Variants in ZCCHC7 observed in about 807,000 individuals in gnomAD.
ZCCHC7 encodes the protein zinc finger CCHC-type containing 7, also known as zinc finger CCHC domain-containing protein 7.
ZCCHC7 carries 35 observed loss-of-function variants against 52.0 expected under a neutral mutation model. The observed-to-expected ratio is 0.67, with a 90% CI of 0.51 to 0.89. The LOEUF (loss-of-function observed/expected upper bound fraction) is 0.89, where lower values mean the gene tolerates loss of function less well. ZCCHC7 is among the 40% of genes least tolerant of loss of function. The pLI is 0.00. For synonymous variants in ZCCHC7, 217 were observed against 221.5 expected (o/e 0.98, Z 0.18); for missense variants, 574 against 649.1 (o/e 0.88, Z 1.26).
At chr9:37,236,837 C>T (rs1490741481) in intron 2 of ZCCHC7, among the ~76,000 whole-genome samples, 1 of 152,190 alleles carries the variant, frequency 6.6e-6, no homozygotes, top group Non-Finnish European at 1.5e-5. Flanking sequence ...ATCAGTTTCA[C>T]TCCAGTTGTT....
At chr9:37,327,146 C>T (rs1830277394) in intron 5 of ZCCHC7, 1 of 151,896 alleles carries the variant, frequency 6.6e-6, no homozygotes, top group African/African-American at 2.4e-5. Context: ...TTGTTGTTAC[C>T]TATTCTAGTT....
chr9:37,321,205 G>T (rs1336810857), intron 5 of ZCCHC7, among the ~76,000 whole-genome samples: 2 of 151,766 alleles, frequency 1.3e-5, no homozygotes, highest in East Asian at 1.9e-4. Context: ...AGCCAGGATG[G>T]TCTTGATCTC....
intron 7 of ZCCHC7, among the ~76,000 whole-genome samples, chr9:37,350,067 C>T (rs1301251524): frequency 6.6e-6 from 1 of 151,188 alleles, no homozygotes; most frequent in East Asian, 1.9e-4. Context: ...GGATTACAGG[C>T]GTGAGCTACC....
intron 2 of ZCCHC7, among the ~76,000 whole-genome samples, chr9:37,127,378 G>A (rs1564129572): frequency 6.6e-6 from 1 of 152,142 alleles, no homozygotes; most frequent in East Asian, 1.9e-4. Flanking sequence ...CAAGCATAGG[G>A]AATGTCTGGC....
At chr9:37,157,646 G>A (rs1276870470) in intron 2 of ZCCHC7, among the ~76,000 whole-genome samples, 1 of 152,110 alleles carries the variant, frequency 6.6e-6, no homozygotes, top group African/African-American at 2.4e-5. Flanking sequence ...ACCTGAACAG[G>A]CATTTTTCCA....
chr9:37,297,700 G>T (rs1828851426), intron 2 of ZCCHC7, among the ~76,000 whole-genome samples: 3 of 152,000 alleles, frequency 2.0e-5, no homozygotes, highest in Admixed American at 2.0e-4. Flanking sequence ...ATAACCAACT[G>T]GATATGCTGA....
chr9:37,233,648 C>T (rs146496239), intron 2 of ZCCHC7, among the ~76,000 whole-genome samples: 156 of 152,200 alleles, frequency 1.0e-3, no homozygotes, highest in African/African-American at 3.6e-3. Flanking sequence ...TGAAATATCC[C>T]CAGATCAGGC....
At chr9:37,283,161 T>C (rs1171709889) in intron 2 of ZCCHC7, among the ~76,000 whole-genome samples, 1 of 152,094 alleles carries the variant, frequency 6.6e-6, no homozygotes, top group African/African-American at 2.4e-5. Context: ...AGTAATGGGA[T>C]AATATGTATG....
chr9:37,207,653 C>T (rs540848038), intron 2 of ZCCHC7, among the ~76,000 whole-genome samples: 6 of 151,484 alleles, frequency 4.0e-5, no homozygotes, highest in Non-Finnish European at 5.9e-5. Context: ...AAAAAAAAAT[C>T]GATTTTCTGT....
chr9:37,130,235 CA>C (rs33929421), intron 2 of ZCCHC7, among the ~76,000 whole-genome samples: 61,333 of 104,046 alleles, frequency 0.59, 15,046 homozygotes, highest in African/African-American at 0.68. Flanking sequence ...GAGACTGTCT[CA>C]AAAAAAAAAA....
chr9:37,162,039 G>A (rs1184312838), intron 2 of ZCCHC7, among the ~76,000 whole-genome samples: 3 of 152,186 alleles, frequency 2.0e-5, no homozygotes, highest in Admixed American at 1.3e-4. Context: ...AGCATGGTCA[G>A]ATACTTTGGA....
At chr9:37,151,282 T>G (rs1564143425) in intron 2 of ZCCHC7, among the ~76,000 whole-genome samples, 2 of 152,128 alleles carry the variant, frequency 1.3e-5, no homozygotes, top group African/African-American at 4.8e-5. Context: ...TCTATTTCTT[T>G]TTTCCATTTG....
At chr9:37,129,336 G>T (rs1165582780) in intron 2 of ZCCHC7, among the ~76,000 whole-genome samples, 1 of 152,178 alleles carries the variant, frequency 6.6e-6, no homozygotes, top group East Asian at 1.9e-4. Flanking sequence ...TAGCCAAATA[G>T]AATTAAATTC....
intron 2 of ZCCHC7, 126 bp downstream of exon 2, chr9:37,127,068 T>G: frequency 1.7e-6 from 2 of 1,176,456 alleles, no homozygotes; most frequent in Admixed American, 4.7e-5. Context: ...GTTTTTTGGT[T>G]TGTTTCTCAT....
chr9:37,333,733 T>C (rs977939447), intron 6 of ZCCHC7: 5 of 151,838 alleles, frequency 3.3e-5, no homozygotes, highest in African/African-American at 9.7e-5. Context: ...AATACTGTGG[T>C]AATTAAATTT....
intron 2 of ZCCHC7, among the ~76,000 whole-genome samples, chr9:37,297,143 T>G (rs1447028478): frequency 6.6e-6 from 1 of 152,220 alleles, no homozygotes; most frequent in Non-Finnish European, 1.5e-5. Flanking sequence ...TTTAAATAGC[T>G]CATTTTCCCA....
intron 2 of ZCCHC7, among the ~76,000 whole-genome samples, chr9:37,138,381 G>A (rs1031091989): frequency 6.6e-6 from 1 of 152,112 alleles, no homozygotes; most frequent in Non-Finnish European, 1.5e-5. Flanking sequence ...ATTTTGGAAT[G>A]TTGATATTGT....
intron 6 of ZCCHC7, among the ~76,000 whole-genome samples, chr9:37,336,004 C>T (rs1179563924): frequency 3.9e-5 from 6 of 151,986 alleles, no homozygotes; most frequent in East Asian, 3.9e-4. Context: ...GAGAATAAAA[C>T]GAAATTGAAA....
At chr9:37,247,615 T>G (rs1217822739) in intron 2 of ZCCHC7, among the ~76,000 whole-genome samples, 5 of 152,106 alleles carry the variant, frequency 3.3e-5, no homozygotes, top group Non-Finnish European at 7.4e-5. Flanking sequence ...TGATAAGAAA[T>G]GAAGTTGGAA....
Sources: allele counts gnomAD v4.1 joint callset (sites outside exome capture counted in the v4.1 genomes callset), GRCh38; gene constraint gnomAD v4.1.1; transcripts MANE v1.5; gene names NCBI Gene and HGNC (gene_info 2026-07-23, HGNC 2026-07-21).